The following TSGA10 variants were observed in gnomAD, a reference collection of about 807,000 sequenced individuals.
TSGA10 encodes testis-specific gene 10 protein.
Under a neutral mutation model 96.6 loss-of-function variants are expected in TSGA10, and 43 were observed. That is an observed-to-expected ratio of 0.44 (90% CI 0.35 to 0.57). The LOEUF (loss-of-function observed/expected upper bound fraction) is 0.57, where lower values mean the gene tolerates loss of function less well. TSGA10 is among the 20% of genes least tolerant of loss of function. The probability of loss-of-function intolerance (pLI) is 0.01; values close to 1 mark genes in which losing one functional copy is unlikely to be tolerated. For synonymous variants in TSGA10, 229 were observed against 269.9 expected (o/e 0.85, Z 1.48); for missense variants, 703 against 834.4 (o/e 0.84, Z 1.94).
intron 16 of TSGA10, among the ~76,000 whole-genome samples, chr2:99,037,582 C>T (rs1216501875): frequency 6.6e-6 from 1 of 152,254 alleles, no homozygotes; most frequent in Admixed American, 6.5e-5. Flanking sequence ...GGTGTGGTGG[C>T]TCACGTCTGT....
At position 98,998,203 on chromosome 2, in the gene TSGA10, A is replaced by G; in HGVS notation, c.2091T>C (p.Asp697=). ...RSLEENLCYR[D]F ...TGAAGAATCATTTCAGGTGTCAGAA[A>G]TCTCTGTAGCAAAGATTCCTATAAG... Residue 697 remains aspartate, a synonymous_variant, in exon 21 of 21, where the codon GAT becomes GAC. Coordinates refer to ENST00000393483, the MANE Select transcript of TSGA10 (RefSeq NM_025244.4). 1 of 1,600,312 alleles carries G rather than the reference A, an allele frequency of 6.2e-7. No individual in the cohort carries two copies. Among genetic ancestry groups the G allele is most frequent in the Non-Finnish European group, 8.5e-7 (1 of 1,175,300 alleles).
chr2:99,049,377 A>C (rs899389583), intron 16 of TSGA10, among the ~76,000 whole-genome samples: 8 of 152,242 alleles, frequency 5.3e-5, no homozygotes, highest in African/African-American at 1.9e-4. Context: ...TGGCACATAT[A>C]CGCTATGGAA....
At chr2:99,044,910 C>A (rs1035912395) in intron 16 of TSGA10, among the ~76,000 whole-genome samples, 1 of 152,132 alleles carries the variant, frequency 6.6e-6, no homozygotes, top group Non-Finnish European at 1.5e-5. Flanking sequence ...GGAAACTGAA[C>A]AACCTGCTCC....
intron 15 of TSGA10, among the ~76,000 whole-genome samples, 160 bp downstream of exon 15, chr2:99,068,728 G>T (rs1007191975): frequency 3.9e-5 from 6 of 152,082 alleles, no homozygotes; most frequent in African/African-American, 1.4e-4. Flanking sequence ...GCATCTTTCT[G>T]AACATTCTAA....
At chr2:99,135,508 T>G (rs2093288288) in intron 1 of TSGA10, among the ~76,000 whole-genome samples, 1 of 152,230 alleles carries the variant, frequency 6.6e-6, no homozygotes. Flanking sequence ...ATTCTTTATT[T>G]TTTTCAATGT....
chr2:99,086,006 T>G (rs773492882), intron 10 of TSGA10, among the ~76,000 whole-genome samples: 3 of 152,088 alleles, frequency 2.0e-5, no homozygotes, highest in Non-Finnish European at 1.5e-5. Context: ...AGATATATGG[T>G]CAATCGATTT....
intron 2 of TSGA10, among the ~76,000 whole-genome samples, chr2:99,121,462 A>G (rs2092566967): frequency 1.3e-3 from 1 of 776 alleles, no homozygotes. Context: ...AAGTATATAT[A>G]TTCATATATA....
At chr2:99,043,741 C>CA (rs777500523) in intron 16 of TSGA10, among the ~76,000 whole-genome samples, 2 of 152,022 alleles carry the variant, frequency 1.3e-5, no homozygotes, top group Non-Finnish European at 2.9e-5. Flanking sequence ...TCAAAGAGCT[C>CA]AAAAAACAAA....
chr2:99,144,624 G>C (rs1039611690), intron 1 of TSGA10, among the ~76,000 whole-genome samples: 1 of 83,642 alleles, frequency 1.2e-5, no homozygotes, highest in African/African-American at 3.8e-5. Context: ...CCTCCAGCCT[G>C]GGGGACAAGA....
At chr2:99,039,965 CGTAA>C (rs1269317404) in intron 16 of TSGA10, among the ~76,000 whole-genome samples, 5 of 152,028 alleles carry the variant, frequency 3.3e-5, no homozygotes, top group South Asian at 2.1e-4. Context: ...GATGGTTTAA[CGTAA>C]GTAAGTCAAT....
intron 16 of TSGA10, among the ~76,000 whole-genome samples, chr2:99,050,753 C>A (rs1006940519): frequency 6.6e-6 from 1 of 151,932 alleles, no homozygotes; most frequent in Admixed American, 6.6e-5. Flanking sequence ...AATAGAGGAA[C>A]AAAAAGGCAT....
chr2:99,052,609 G>A (rs1426667998), intron 16 of TSGA10, among the ~76,000 whole-genome samples: 1 of 151,898 alleles, frequency 6.6e-6, no homozygotes, highest in Non-Finnish European at 1.5e-5. Flanking sequence ...GTGGTGGCAG[G>A]CGCCTGTAGT....
At chr2:99,153,070 G>T (rs994811507) in intron 1 of TSGA10, among the ~76,000 whole-genome samples, 1 of 152,198 alleles carries the variant, frequency 6.6e-6, no homozygotes, top group African/African-American at 2.4e-5. Context: ...AGGGGACTGC[G>T]GAGTTGGCAG....
intron 20 of TSGA10, among the ~76,000 whole-genome samples, chr2:99,011,703 G>A (rs2079023345): frequency 6.6e-6 from 1 of 152,104 alleles, no homozygotes; most frequent in African/African-American, 2.4e-5. Flanking sequence ...TGTCTGTGAA[G>A]AAACATGCAA....
chr2:99,082,934 C>T (rs1250044081), intron 10 of TSGA10, among the ~76,000 whole-genome samples: 2 of 151,894 alleles, frequency 1.3e-5, no homozygotes, highest in Non-Finnish European at 2.9e-5. Context: ...TTAAAGATTA[C>T]AAAACTCAGT....
chr2:99,093,502 T>TA (rs1256536762), intron 10 of TSGA10, among the ~76,000 whole-genome samples: 4 of 151,710 alleles, frequency 2.6e-5, no homozygotes, highest in Non-Finnish European at 4.4e-5. Context: ...TAGAAAATCC[T>TA]AAAGACTCCT....
chr2:99,127,857 T>C (rs1312974299), intron 1 of TSGA10, among the ~76,000 whole-genome samples: 1 of 152,208 alleles, frequency 6.6e-6, no homozygotes, highest in African/African-American at 2.4e-5. Context: ...CAAATGCACA[T>C]AGCTTCTGTT....
At chr2:99,100,801 C>CA (rs2090611660) in intron 10 of TSGA10, among the ~76,000 whole-genome samples, 1 of 115,178 alleles carries the variant, frequency 8.7e-6, no homozygotes. Context: ...GCCTGGGCAA[C>CA]AGAGCGAGAC....
intron 10 of TSGA10, chr2:99,102,000 A>T: frequency 9.2e-7 from 1 of 1,092,044 alleles, no homozygotes; most frequent in Non-Finnish European, 1.4e-6. Flanking sequence ...ACCGGATTAT[A>T]CACTTAAAAT....
Sources: allele counts gnomAD v4.1 joint callset (sites outside exome capture counted in the v4.1 genomes callset), GRCh38; gene constraint gnomAD v4.1.1; transcripts MANE v1.5; gene names NCBI Gene and HGNC (gene_info 2026-07-23, HGNC 2026-07-21).